The following SNX2 variants were observed in gnomAD, a reference collection of about 807,000 sequenced individuals.
SNX2 encodes sorting nexin 2, also known as sorting nexin-2.
Under a neutral mutation model 69.9 loss-of-function variants are expected in SNX2, and 25 were observed. That is an observed-to-expected ratio of 0.36 (90% CI 0.26 to 0.50). The LOEUF is 0.50. SNX2 is among the 20% of genes least tolerant of loss of function. The pLI, the probability that SNX2 is intolerant of heterozygous loss-of-function variation, is 0.97. For synonymous variants in SNX2, 229 were observed against 200.4 expected, an observed-to-expected ratio of 1.14 and a Z score of -1.20; for missense variants, 551 against 613.3, an observed-to-expected ratio of 0.90 and a Z score of 1.07.
chr5:122,827,786 A>G (rs1754185949), intron 14 of SNX2, 140 bp downstream of exon 14: 1 of 647,450 alleles, frequency 1.5e-6, no homozygotes, highest in Non-Finnish European at 2.7e-6. Context: ...ATGGTAAAGG[A>G]TAAAAGGGTA....
In SNX2 at chr5:122,833,040, C is replaced by T. The variant is rs992720483; in HGVS notation, c.*3392C>T. Reference sequence around the variant, plus strand: ...CATATCATATTCACTAGTCAAGAAACGTGTAGATTATATGTGTGAGTGACA... The same window carrying T: ...CATATCATATTCACTAGTCAAGAAATGTGTAGATTATATGTGTGAGTGACA... On this transcript the variant is annotated 3_prime_UTR_variant, in exon 15 of 15. Coordinates refer to ENST00000379516, the MANE Select transcript of SNX2 (RefSeq NM_003100.4). 2.0e-5 allele frequency: 3 copies of T among 152,090 alleles called. No homozygotes were observed. The highest frequency in any genetic ancestry group is 2.1e-4 in the South Asian group (1 of 4,824). The allele number at this position is 152,090 out of a possible 1,614,324, so 9.4% of individuals were successfully genotyped here.
intron 1 of SNX2, among the ~76,000 whole-genome samples, chr5:122,775,966 A>G (rs1196294011): frequency 1.3e-5 from 2 of 152,126 alleles, no homozygotes; most frequent in Non-Finnish European, 2.9e-5. Flanking sequence ...CGATCTCTGA[A>G]GCTGTGTGTT....
At chr5:122,788,453 T>A (rs1397440806) in intron 1 of SNX2, among the ~76,000 whole-genome samples, 1 of 152,222 alleles carries the variant, frequency 6.6e-6, no homozygotes, top group African/African-American at 2.4e-5. Context: ...AGCTACTGTT[T>A]CTTTAAATAC....
intron 3 of SNX2, among the ~76,000 whole-genome samples, chr5:122,800,734 T>C (rs1329059072): frequency 1.3e-5 from 2 of 152,210 alleles, no homozygotes; most frequent in Non-Finnish European, 2.9e-5. Context: ...TTAAAAGTTT[T>C]ACTTTAAAAA....
chr5:122,791,443 G>A (rs1039631574), intron 1 of SNX2, among the ~76,000 whole-genome samples: 1 of 152,084 alleles, frequency 6.6e-6, no homozygotes, highest in Non-Finnish European at 1.5e-5. Flanking sequence ...CACCACGCCC[G>A]GCTAATTTTT....
rs114535348 is a variant in SNX2 at position 122,789,860 on chromosome 5, T to C, written c.109-5406T>C. ...TGTCAGAATTTGTTTACTTTTTAGATTCCTCAAGTACCTTTTTAATTTTAT... is the reference window on the plus strand; with the variant it reads ...TGTCAGAATTTGTTTACTTTTTAGACTCCTCAAGTACCTTTTTAATTTTAT... On this transcript the variant is annotated intron_variant, in intron 1 of 14. Transcript: ENST00000379516. Among the ~76,000 whole-genome samples, 1,253 of 152,382 alleles carry C rather than the reference T, an allele frequency of 8.2e-3. 18 individuals carry two copies. The highest frequency in any genetic ancestry group is 0.029 in the African/African-American group (1,188 of 41,590).
At position 122,815,980 on chromosome 5, in the gene SNX2, TC is replaced by T. The variant is rs368562582; in HGVS notation, c.798+10del. Reference sequence around the variant, plus strand: ...TCTTGGAAAGTTCAGAGGTATTATTTCTATATTAAATGTTTGTATATGAATG... The same window carrying T: ...TCTTGGAAAGTTCAGAGGTATTATTTTATATTAAATGTTTGTATATGAATG... On this transcript the variant is annotated intron_variant, in intron 8 of 14. Coordinates refer to ENST00000379516, the MANE Select transcript of SNX2 (RefSeq NM_003100.4). 161 of 1,499,138 alleles carry T rather than the reference TC, an allele frequency of 1.1e-4. No homozygotes were observed. The African/African-American group carries it at 1.9e-3, about 17-fold the overall frequency. The allele number at this position is 1,499,138 out of a possible 1,614,324, so 92.9% of individuals were successfully genotyped here. A position where few individuals can be genotyped will look rare whatever the true frequency, so the allele number is the denominator to read the frequency against.
intron 1 of SNX2, among the ~76,000 whole-genome samples, chr5:122,781,024 T>G (rs1301939611): frequency 3.9e-5 from 6 of 152,246 alleles, no homozygotes; most frequent in African/African-American, 1.4e-4. Context: ...GAAAGAGATT[T>G]ATGAAGAAGC....
chr5:122,817,390 A>G lies in SNX2; in HGVS notation c.1006+17A>G, dbSNP rs77998331. The G allele has an allele frequency of 1.6e-3, 2,408 of 1,547,438 alleles. 31 individuals are homozygous for G. The African/African-American group carries it at 0.028, about 18-fold the overall frequency. ...ATAGAAAAGGTTTGTTTGCCTTACT[A>G]CTTACGTAGTTAGCACCATAAAACT... On this transcript the variant is annotated intron_variant, in intron 10 of 14. Transcript: ENST00000379516.
intron 1 of SNX2, among the ~76,000 whole-genome samples, chr5:122,793,789 T>A (rs556541701): frequency 6.6e-6 from 1 of 151,420 alleles, no homozygotes; most frequent in Non-Finnish European, 1.5e-5. Flanking sequence ...GGCAGACACC[T>A]GTAATCCCAG....
rs78448145 is a variant in SNX2, at chr5:122,775,716, G to C, written c.108+505G>C. ...TCCCAGGAATGGCCCTTCACGGACT[G>C]CTGGTTCCTCTTGAGGGAGCTGCTT... On this transcript the variant is annotated intron_variant, in intron 1 of 14. Coordinates refer to ENST00000379516, the MANE Select transcript of SNX2 (RefSeq NM_003100.4). 7.7e-4 allele frequency: 760 copies of C among 985,788 alleles called. 5 individuals are homozygous for C. In the African/African-American group the frequency reaches 0.012, roughly 16 times the overall value. 61.1% of individuals were successfully genotyped at this position (985,788 alleles called of 1,614,324 possible). A position where few individuals can be genotyped will look rare whatever the true frequency, so the allele number is the denominator to read the frequency against.
At chr5:122,785,804 T>C (rs912620445) in intron 1 of SNX2, among the ~76,000 whole-genome samples, 1 of 152,188 alleles carries the variant, frequency 6.6e-6, no homozygotes, top group African/African-American at 2.4e-5. Flanking sequence ...ACATGTTCTA[T>C]TATGCTAAGT....
intron 7 of SNX2, chr5:122,808,660 A>G (rs1372491998): frequency 5.7e-6 from 1 of 175,092 alleles, no homozygotes; most frequent in African/African-American, 2.4e-5. Flanking sequence ...TTAGCTGGGG[A>G]TAGAATTGTA....
intron 1 of SNX2, among the ~76,000 whole-genome samples, chr5:122,779,232 AT>A (rs1251854670): frequency 1.3e-5 from 2 of 152,222 alleles, no homozygotes; most frequent in African/African-American, 4.8e-5. Context: ...GTATTCACAG[AT>A]ATGCCCAACA....
intron 1 of SNX2, among the ~76,000 whole-genome samples, chr5:122,776,114 A>G (rs1752851272): frequency 2.0e-5 from 3 of 152,180 alleles, no homozygotes; most frequent in Admixed American, 2.0e-4. Context: ...GTGTATGTGA[A>G]TTAAAATGTA....
intron 2 of SNX2, among the ~76,000 whole-genome samples, chr5:122,796,939 A>G (rs527400440): frequency 3.0e-4 from 45 of 152,240 alleles, no homozygotes; most frequent in Middle Eastern, 3.4e-3. Flanking sequence ...AAAATTAAAA[A>G]CAGTTTTTAG....
At chr5:122,804,221 G>C (rs756579724) in intron 6 of SNX2, among the ~76,000 whole-genome samples, 1 of 152,120 alleles carries the variant, frequency 6.6e-6, no homozygotes, top group Non-Finnish European at 1.5e-5. Flanking sequence ...GTCACAATCA[G>C]AGAATACTTA....
intron 14 of SNX2, among the ~76,000 whole-genome samples, chr5:122,828,849 C>T (rs567749791): frequency 9.9e-5 from 15 of 152,080 alleles, no homozygotes; most frequent in Non-Finnish European, 1.6e-4. Flanking sequence ...CCGGGCGCAG[C>T]GGCTCATGCC....
rs905097340 is a variant in SNX2, at chr5:122,827,711, A to T, written c.1509+65A>T. ...GTTTTTGGTATACTTTCTTATTTTA[A>T]AAAGATGATTAATGAACTGGGCATT... On this transcript the variant is annotated intron_variant, in intron 14 of 14. Coordinates refer to ENST00000379516, the MANE Select transcript of SNX2 (RefSeq NM_003100.4). The T allele has an allele frequency of 2.7e-6, 3 of 1,129,680 alleles. No individual in the cohort carries two copies. The African/African-American group carries it at 4.7e-5, about 18-fold the overall frequency. 70.0% of individuals were successfully genotyped at this position (1,129,680 alleles called of 1,614,324 possible). A position where few individuals can be genotyped will look rare whatever the true frequency, so the allele number is the denominator to read the frequency against.
Sources: allele counts gnomAD v4.1 joint callset (sites outside exome capture counted in the v4.1 genomes callset), GRCh38; gene constraint gnomAD v4.1.1; transcripts MANE v1.5; gene names NCBI Gene and HGNC (gene_info 2026-07-23, HGNC 2026-07-21).